SCAMP1: variants seen among roughly 807,000 people sequenced by gnomAD.
SCAMP1 encodes secretory carrier-associated membrane protein 1.
A neutral mutation model predicts 41.8 loss-of-function variants in SCAMP1; 15 were observed. That is an observed-to-expected ratio of 0.36 (90% CI 0.24 to 0.55). The LOEUF is 0.55. Ranked by LOEUF, SCAMP1 falls within the 20% of genes least tolerant of loss-of-function variation. SCAMP1 has a pLI of 0.86. For synonymous variants in SCAMP1, 135 were observed against 136.8 expected (o/e 0.99, Z 0.09); for missense variants, 341 against 412.6 (o/e 0.83, Z 1.50).
intron 6 of SCAMP1, among the ~76,000 whole-genome samples, chr5:78,434,637 T>A (rs989644555): frequency 6.6e-6 from 1 of 152,222 alleles, no homozygotes; most frequent in African/African-American, 2.4e-5. Context: ...AAAAATTTTT[T>A]AACATTTTGT....
chr5:78,407,154 G>A (rs960432257), intron 2 of SCAMP1, among the ~76,000 whole-genome samples: 1 of 152,234 alleles, frequency 6.6e-6, no homozygotes, highest in Non-Finnish European at 1.5e-5. Flanking sequence ...CAGTGAGATA[G>A]AGAGGTCTTC....
chr5:78,449,208 T>C (rs1404001000), intron 6 of SCAMP1, among the ~76,000 whole-genome samples: 2 of 151,898 alleles, frequency 1.3e-5, no homozygotes, highest in Non-Finnish European at 2.9e-5. Context: ...ATAACAATAA[T>C]AACTTTATTT....
chr5:78,413,709 C>A (rs1175011532), intron 2 of SCAMP1, among the ~76,000 whole-genome samples: 3 of 152,208 alleles, frequency 2.0e-5, no homozygotes, highest in African/African-American at 7.2e-5. Flanking sequence ...TGAGCCTCTG[C>A]ACCCAGCCGG....
At chr5:78,411,542 AC>A (rs1752077243) in intron 2 of SCAMP1, among the ~76,000 whole-genome samples, 2 of 152,254 alleles carry the variant, frequency 1.3e-5, no homozygotes, top group Non-Finnish European at 2.9e-5. Flanking sequence ...TGTTGTATAT[AC>A]AGCTTTGTTT....
chr5:78,392,880 A>G (rs1370547352), intron 2 of SCAMP1, among the ~76,000 whole-genome samples: 3 of 152,310 alleles, frequency 2.0e-5, no homozygotes, highest in Non-Finnish European at 1.5e-5. Flanking sequence ...GTATATTAGC[A>G]TTAGACCTTG....
At chr5:78,427,927 A>G (rs1183931772) in intron 6 of SCAMP1, among the ~76,000 whole-genome samples, 1 of 152,092 alleles carries the variant, frequency 6.6e-6, no homozygotes, top group Non-Finnish European at 1.5e-5. Flanking sequence ...TTTTGTTGTA[A>G]GAGTTCTGTA....
Position 78,460,804 on chromosome 5 carries a change from C to CTTTCTTTCTTTCTTTCTTTCTTTCTTT in SCAMP1, c.852+1442_852+1443insTTTCTTTCTTTCTTTCTTTCTTTCTTT, listed in dbSNP as rs1338982922. Among the ~76,000 whole-genome samples, 28 of 24,762 alleles carry CTTTCTTTCTTTCTTTCTTTCTTTCTTT rather than the reference C, an allele frequency of 1.1e-3. 2 individuals carry two copies. The highest frequency in any genetic ancestry group is 3.9e-3 in the South Asian group (2 of 514). The allele number at this position is 24,762 out of a possible 152,430, so 16.2% of individuals were successfully genotyped here. On this transcript the variant is annotated intron_variant, in intron 8 of 8. Coordinates refer to ENST00000621999, the MANE Select transcript of SCAMP1 (RefSeq NM_004866.6). ...TCCTTCCTTCCTTCCTTCCTTCCTTCCTCCCTTCCTTCCTTCCTTTCTTGT... is the reference window on the plus strand; with the variant it reads ...TCCTTCCTTCCTTCCTTCCTTCCTTCTTTCTTTCTTTCTTTCTTTCTTTCTTTCTCCCTTCCTTCCTTCCTTTCTTGT...
intron 2 of SCAMP1, among the ~76,000 whole-genome samples, chr5:78,411,995 A>G (rs1488924622): frequency 6.6e-6 from 1 of 152,054 alleles, no homozygotes; most frequent in Non-Finnish European, 1.5e-5. Flanking sequence ...TTCTTTGATT[A>G]CTAATGAGGT....
At chr5:78,461,453 A>G (rs1182855921) in intron 8 of SCAMP1, among the ~76,000 whole-genome samples, 3 of 152,138 alleles carry the variant, frequency 2.0e-5, no homozygotes, top group Admixed American at 2.0e-4. Flanking sequence ...ATTGTTCATT[A>G]TTGTCAGCTT....
rs1009841846 is a variant in SCAMP1, at chr5:78,480,472, A to G, written c.*4804A>G. ...CCAGTGATTCTCAAGATAAATCATG[A>G]TTGTAGTAGTTGTTACTGTTGGCAG... is the stretch of plus-strand genomic sequence containing the variant. On this transcript the variant is annotated 3_prime_UTR_variant, in exon 9 of 9. Coordinates refer to ENST00000621999, the MANE Select transcript of SCAMP1 (RefSeq NM_004866.6). Among the ~76,000 whole-genome samples, 24 of 152,270 alleles carry G rather than the reference A, an allele frequency of 1.6e-4. No homozygotes were observed. Among genetic ancestry groups the G allele is most frequent in the African/African-American group, 5.5e-4 (23 of 41,544 alleles).
chr5:78,441,549 C>T (rs1480219895), intron 6 of SCAMP1, among the ~76,000 whole-genome samples: 1 of 152,250 alleles, frequency 6.6e-6, no homozygotes, highest in African/African-American at 2.4e-5. Flanking sequence ...CACGCTGGCC[C>T]ATGCCTGTAA....
At chr5:78,412,394 A>T (rs1752102344) in intron 2 of SCAMP1, among the ~76,000 whole-genome samples, 1 of 150,658 alleles carries the variant, frequency 6.6e-6, no homozygotes. Flanking sequence ...TTTTTTTTTT[A>T]ACATTCAATT....
chr5:78,423,583 T>C (rs1752393629), intron 6 of SCAMP1, among the ~76,000 whole-genome samples: 1 of 152,118 alleles, frequency 6.6e-6, no homozygotes, highest in African/African-American at 2.4e-5. Flanking sequence ...GACTAGGGAA[T>C]TTGGATTTTA....
rs1364424447 is a variant in SCAMP1, at chr5:78,459,306, A to G, written c.796A>G (p.Ile266Val). ...TATTCCTGTTGGAATCATGATGATAATCATAGCAGCACTTTTCACAGCATC... is the reference window on the plus strand; with the variant it reads ...TATTCCTGTTGGAATCATGATGATAGTCATAGCAGCACTTTTCACAGCATC... ...QNIPVGIMMI[I>V]IAALFTASAV... is the part of the protein sequence containing the mutation. Residue 266 changes from isoleucine (I) to valine (V), a missense_variant, in exon 8 of 9, where the codon ATC becomes GTC. By Grantham distance (29) the Ile-to-Val change is conservative. Transcript: ENST00000621999. The G allele has an allele frequency of 6.2e-7, 1 of 1,609,596 alleles. No individual in the cohort carries two copies.
intron 6 of SCAMP1, among the ~76,000 whole-genome samples, chr5:78,440,665 C>T (rs1358850740): frequency 2.0e-5 from 3 of 152,176 alleles, no homozygotes; most frequent in African/African-American, 7.2e-5. Flanking sequence ...CAGGGACCCA[C>T]TTGAGGAGGC....
chr5:78,448,345 T>TTTTTTTTTTTTTTTTTTTTTTG (rs1753122416), intron 6 of SCAMP1, among the ~76,000 whole-genome samples: 1 of 150,698 alleles, frequency 6.6e-6, no homozygotes, highest in Non-Finnish European at 1.5e-5. Flanking sequence ...AAGACACTCT[T>TTTTTTTTTTTTTTTTTTTTTTG]AAGAGAATGA....
chr5:78,413,372 TC>T (rs779117749), intron 2 of SCAMP1, among the ~76,000 whole-genome samples: 1 of 151,860 alleles, frequency 6.6e-6, no homozygotes, highest in Non-Finnish European at 1.5e-5. Context: ...TCATAGGTCT[TC>T]CTACTTTGTT....
intron 1 of SCAMP1, among the ~76,000 whole-genome samples, chr5:78,374,940 TAG>T (rs1751029858): frequency 6.6e-6 from 1 of 152,100 alleles, no homozygotes; most frequent in Non-Finnish European, 1.5e-5. Flanking sequence ...ACACTTGTCT[TAG>T]AGTCTTGTTG....
chr5:78,462,820 A>G (rs1235912251), intron 8 of SCAMP1, among the ~76,000 whole-genome samples: 1 of 152,112 alleles, frequency 6.6e-6, no homozygotes, highest in Non-Finnish European at 1.5e-5. Flanking sequence ...TTTGTCTTGG[A>G]TATATGTAAT....
Sources: allele counts gnomAD v4.1 joint callset (sites outside exome capture counted in the v4.1 genomes callset), GRCh38; gene constraint gnomAD v4.1.1; transcripts MANE v1.5; gene names NCBI Gene and HGNC (gene_info 2026-07-23, HGNC 2026-07-21).